Variants in MANBA observed in about 807,000 individuals in gnomAD.
MANBA encodes beta-mannosidase.
MANBA carries 83 observed loss-of-function variants against 111.1 expected under a neutral mutation model. That is an observed-to-expected ratio of 0.75 (90% CI 0.63 to 0.90). The LOEUF (loss-of-function observed/expected upper bound fraction) is 0.90, where lower values mean the gene tolerates loss of function less well. MANBA is among the 40% of genes least tolerant of loss of function. The pLI is 0.00. For synonymous variants in MANBA, 370 were observed against 378.7 expected (o/e 0.98, Z 0.27); for missense variants, 1,036 against 1,069.0 (o/e 0.97, Z 0.43).
intron 5 of MANBA, among the ~76,000 whole-genome samples, chr4:102,692,781 G>T (rs1035552547): frequency 1.3e-5 from 2 of 151,866 alleles, no homozygotes; most frequent in African/African-American, 4.8e-5. Flanking sequence ...AGGGGAGGGG[G>T]AAGGCTACTA....
chr4:102,730,722 T>C (rs1560803333), intron 1 of MANBA: 1 of 526,662 alleles, frequency 1.9e-6, no homozygotes, highest in African/African-American at 1.9e-5. Context: ...TCCCTACAGA[T>C]AGATGCTTCT....
At chr4:102,647,723 A>G (rs1156384087) in intron 13 of MANBA, among the ~76,000 whole-genome samples, 1 of 152,134 alleles carries the variant, frequency 6.6e-6, no homozygotes. Flanking sequence ...TGAATTACAT[A>G]TAACCCTGGC....
intron 7 of MANBA, among the ~76,000 whole-genome samples, chr4:102,687,228 C>G (rs564115951): frequency 3.4e-4 from 52 of 152,228 alleles, no homozygotes; most frequent in African/African-American, 1.2e-3. Flanking sequence ...AGATTTATTT[C>G]CTCAGCAGTT....
At chr4:102,662,207 GGATGATGAT>G (rs570352421) in intron 11 of MANBA, among the ~76,000 whole-genome samples, 1 of 151,928 alleles carries the variant, frequency 6.6e-6, no homozygotes, top group Non-Finnish European at 1.5e-5. Flanking sequence ...AAAGCAATAA[GGATGATGAT>G]GATGATGATG....
intron 2 of MANBA, 143 bp downstream of exon 2, chr4:102,726,446 T>A: frequency 1.6e-6 from 1 of 616,514 alleles, no homozygotes; most frequent in East Asian, 2.8e-5. Context: ...CTTACTTAAC[T>A]CTCAGATATG....
intron 1 of MANBA, chr4:102,727,728 C>G (rs1180179282): frequency 1.1e-6 from 1 of 899,042 alleles, no homozygotes; most frequent in African/African-American, 1.6e-5. Context: ...AGAGATGGTG[C>G]CTTCTGGCAT....
At chr4:102,715,519 G>A (rs1447835904) in intron 4 of MANBA, among the ~76,000 whole-genome samples, 1 of 152,000 alleles carries the variant, frequency 6.6e-6, no homozygotes, top group Non-Finnish European at 1.5e-5. Context: ...TTAAGTTCAG[G>A]GGTACAAGTG....
At chr4:102,716,791 C>T (rs1412691796) in intron 4 of MANBA, among the ~76,000 whole-genome samples, 3 of 152,088 alleles carry the variant, frequency 2.0e-5, no homozygotes, top group Non-Finnish European at 2.9e-5. Flanking sequence ...TACTAAAATC[C>T]TTCTAGATGG....
chr4:102,646,961 A>T (rs796394827), intron 13 of MANBA, among the ~76,000 whole-genome samples: 2 of 152,144 alleles, frequency 1.3e-5, no homozygotes, highest in African/African-American at 4.8e-5. Context: ...ATATTCCTTA[A>T]TTAATAAATC....
intron 5 of MANBA, among the ~76,000 whole-genome samples, chr4:102,708,323 TA>T (rs1183478805): frequency 6.6e-6 from 1 of 151,982 alleles, no homozygotes; most frequent in Non-Finnish European, 1.5e-5. Context: ...CACAACGGAA[TA>T]AAACTAGAAA....
intron 1 of MANBA, chr4:102,753,784 T>G (rs1024050107): frequency 6.0e-6 from 1 of 167,346 alleles, no homozygotes; most frequent in African/African-American, 2.4e-5. Flanking sequence ...AGGGGCCTTA[T>G]AAATCTATAT....
rs184647620 is a variant in MANBA, at chr4:102,669,313, A to G, written c.1231-264T>C. ...AGAAAGAGAAGATGGAAGAATTTGA[A>G]AAAGAAAAAATGTGTGGAGGGGACA... On this transcript the variant is annotated intron_variant, in intron 9 of 16. Coordinates refer to ENST00000647097, the MANE Select transcript of MANBA (RefSeq NM_005908.4). 6.4e-4 allele frequency among the ~76,000 whole-genome samples: 98 copies of G among 152,304 alleles called. 1 individual carries two copies. The highest frequency in any genetic ancestry group is 2.2e-3 in the African/African-American group (93 of 41,552).
At chr4:102,729,513 C>G in intron 1 of MANBA, 1 of 937,952 alleles carries the variant, frequency 1.1e-6, no homozygotes, top group East Asian at 2.4e-5. Context: ...GGAAATTGAT[C>G]TCGTCAGTCA....
Position 102,708,776 on chromosome 4 carries a change from T to C in MANBA, c.673+5662A>G, listed in dbSNP as rs1021260452. ...AGACTAATCAAGGAGAAGACCCAAATAAACAAAATCAGAAAGTTGTACTTT... is the reference window on the plus strand; with the variant it reads ...AGACTAATCAAGGAGAAGACCCAAACAAACAAAATCAGAAAGTTGTACTTT... On this transcript the variant is annotated intron_variant, in intron 5 of 16. Coordinates refer to ENST00000647097, the MANE Select transcript of MANBA (RefSeq NM_005908.4). Among the ~76,000 whole-genome samples, 13 of 151,620 alleles carry C rather than the reference T, an allele frequency of 8.6e-5. No individual in the cohort carries two copies. In the South Asian group the frequency reaches 2.5e-3, roughly 29 times the overall value.
intron 1 of MANBA, among the ~76,000 whole-genome samples, chr4:102,749,913 C>T (rs948134036): frequency 1.4e-4 from 21 of 152,140 alleles, no homozygotes; most frequent in Non-Finnish European, 2.9e-5. Context: ...CAGTTCGGGG[C>T]CACGCAAAGC....
chr4:102,636,833 A>G (rs1729653429), intron 14 of MANBA, among the ~76,000 whole-genome samples: 1 of 151,978 alleles, frequency 6.6e-6, no homozygotes, highest in Non-Finnish European at 1.5e-5. Context: ...TACATATATA[A>G]TTTTTCTTCT....
intron 5 of MANBA, among the ~76,000 whole-genome samples, chr4:102,695,357 G>C (rs1407351610): frequency 1.3e-5 from 2 of 152,178 alleles, no homozygotes; most frequent in African/African-American, 4.8e-5. Context: ...AGAGGACTCA[G>C]TTACATTACT....
At position 102,699,749 on chromosome 4, in the gene MANBA, A is replaced by T. The variant is rs554432902; in HGVS notation, c.674-8978T>A. Reference sequence around the variant, plus strand: ...GATAAGCTTTTTGATGTGCTGCTGGATCCGGTTTGCCAGTATTTTATTGAG... The same window carrying T: ...GATAAGCTTTTTGATGTGCTGCTGGTTCCGGTTTGCCAGTATTTTATTGAG... On this transcript the variant is annotated intron_variant, in intron 5 of 16. Transcript: ENST00000647097. Among the ~76,000 whole-genome samples, 837 of 151,054 alleles carry T rather than the reference A, an allele frequency of 5.5e-3. 9 individuals are homozygous for T. Among genetic ancestry groups the T allele is most frequent in the African/African-American group, 0.02 (808 of 41,060 alleles).
chr4:102,695,440 A>C (rs765310743), intron 5 of MANBA, among the ~76,000 whole-genome samples: 2 of 152,218 alleles, frequency 1.3e-5, no homozygotes, highest in Non-Finnish European at 2.9e-5. Context: ...ATTGATTGTA[A>C]TAAAGACTCA....
Sources: gnomAD v4.1 joint callset for allele counts (sites outside exome capture counted in the v4.1 genomes callset) on GRCh38, gnomAD v4.1.1 for gene constraint, MANE v1.5 for transcripts, NCBI Gene and HGNC (gene_info 2026-07-23, HGNC 2026-07-21) for gene names.